Variants in ANKS1B observed in about 807,000 individuals in gnomAD.
ANKS1B encodes ankyrin repeat and sterile alpha motif domain-containing protein 1B.
In ANKS1B, 36 loss-of-function variants were observed where a neutral mutation model predicts 148.3. The ratio of observed to expected loss-of-function variants is 0.24; its 90% CI spans 0.19 to 0.32. The LOEUF (loss-of-function observed/expected upper bound fraction) is 0.32. ANKS1B is among the 10% of genes least tolerant of loss of function. ANKS1B has a pLI of 1.00. For missense variants in ANKS1B, 1,157 were observed against 1,542.6 expected (o/e 0.75, Z 4.19); for synonymous variants, 542 against 560.8 (o/e 0.97, Z 0.47).
intron 15 of ANKS1B, among the ~76,000 whole-genome samples, chr12:99,118,252 T>C (rs1189653772): frequency 2.0e-5 from 3 of 152,234 alleles, no homozygotes; most frequent in Non-Finnish European, 4.4e-5. Context: ...TGGGAAAATA[T>C]AAATGTACCA....
intron 15 of ANKS1B, among the ~76,000 whole-genome samples, chr12:99,105,750 C>T (rs1317047971): frequency 1.4e-5 from 1 of 71,644 alleles, no homozygotes; most frequent in Non-Finnish European, 2.6e-5. Context: ...GCCTGGGCAA[C>T]AAAGTGAGAC....
intron 9 of ANKS1B, among the ~76,000 whole-genome samples, chr12:98,738,601 G>A (rs1020622816): frequency 2.6e-5 from 4 of 152,156 alleles, no homozygotes; most frequent in Non-Finnish European, 4.4e-5. Flanking sequence ...GATAGAGGAA[G>A]AACTAAACCC....
intron 15 of ANKS1B, among the ~76,000 whole-genome samples, chr12:99,102,920 T>C (rs902753476): frequency 3.3e-5 from 5 of 151,806 alleles, no homozygotes; most frequent in African/African-American, 7.3e-5. Context: ...CCGATAGATA[T>C]GTGTTTTGAA....
At chr12:99,203,353 A>G (rs1257604051) in intron 14 of ANKS1B, among the ~76,000 whole-genome samples, 7 of 151,950 alleles carry the variant, frequency 4.6e-5, no homozygotes, top group Non-Finnish European at 1.0e-4. Flanking sequence ...ACTTTCTGAC[A>G]TCTATTGAAG....
At chr12:99,616,102 C>A (rs1014039051) in intron 9 of ANKS1B, among the ~76,000 whole-genome samples, 1 of 152,054 alleles carries the variant, frequency 6.6e-6, no homozygotes, top group African/African-American at 2.4e-5. Context: ...AGGACCTTTT[C>A]AAGGAGAACT....
intron 10 of ANKS1B, among the ~76,000 whole-genome samples, chr12:99,501,569 T>C (rs1392251446): frequency 1.3e-5 from 2 of 152,174 alleles, no homozygotes; most frequent in Non-Finnish European, 1.5e-5. Context: ...AAATCATCTT[T>C]CCTTGGAGTC....
At chr12:99,002,643 G>A (rs2099933735) in intron 17 of ANKS1B, among the ~76,000 whole-genome samples, 1 of 151,950 alleles carries the variant, frequency 6.6e-6, no homozygotes, top group African/African-American at 2.4e-5. Context: ...GTCTTCTTTG[G>A]AAAAATGTCT....
intron 17 of ANKS1B, among the ~76,000 whole-genome samples, chr12:98,835,844 C>T (rs927400987): frequency 6.6e-6 from 1 of 152,120 alleles, no homozygotes; most frequent in Non-Finnish European, 1.5e-5. Flanking sequence ...AAATGAGCCC[C>T]CATCACTGAA....
intron 1 of ANKS1B, among the ~76,000 whole-genome samples, chr12:99,924,321 A>G (rs1000568571): frequency 7.5e-5 from 7 of 93,262 alleles, no homozygotes; most frequent in African/African-American, 3.2e-4. Context: ...CACTGGAAGC[A>G]TGTATAATGG....
chr12:99,474,681 G>A (rs1162749034), intron 10 of ANKS1B, among the ~76,000 whole-genome samples: 1 of 151,922 alleles, frequency 6.6e-6, no homozygotes, highest in Non-Finnish European at 1.5e-5. Context: ...TAGAAATAAA[G>A]GGAATACTAT....
intron 10 of ANKS1B, among the ~76,000 whole-genome samples, chr12:99,457,305 C>A (rs2095863109): frequency 6.6e-6 from 1 of 151,276 alleles, no homozygotes; most frequent in Non-Finnish European, 1.5e-5. Flanking sequence ...TCGAAATACA[C>A]CAAAATAGAA....
chr12:99,208,030 G>A (rs1048407585), intron 14 of ANKS1B, among the ~76,000 whole-genome samples: 1 of 152,048 alleles, frequency 6.6e-6, no homozygotes, highest in African/African-American at 2.4e-5. Context: ...TTGATCTCCT[G>A]TGTTAAAACC....
chr12:99,474,964 G>A (rs888676250), intron 10 of ANKS1B, among the ~76,000 whole-genome samples: 6 of 151,814 alleles, frequency 4.0e-5, no homozygotes, highest in Non-Finnish European at 8.8e-5. Flanking sequence ...CGGCTGGGTG[G>A]GGTGGCTCAT....
intron 15 of ANKS1B, among the ~76,000 whole-genome samples, chr12:99,144,874 G>T (rs938442063): frequency 7.2e-5 from 11 of 152,130 alleles, no homozygotes; most frequent in Middle Eastern, 3.4e-3. Context: ...AGCCCTCAGA[G>T]GAACCAACCC....
chr12:99,847,131 A>G (rs1565850504), intron 1 of ANKS1B, among the ~76,000 whole-genome samples: 1 of 151,114 alleles, frequency 6.6e-6, no homozygotes, highest in Non-Finnish European at 1.5e-5. Flanking sequence ...TCTTTGAGAC[A>G]GGGTCTCATC....
At chr12:99,873,219 G>A (rs1298708384) in intron 1 of ANKS1B, among the ~76,000 whole-genome samples, 4 of 152,024 alleles carry the variant, frequency 2.6e-5, no homozygotes, top group Non-Finnish European at 1.5e-5. Context: ...ACACTAAATT[G>A]CTGATTACAA....
chr12:99,295,107 G>A (rs979669434), intron 12 of ANKS1B, among the ~76,000 whole-genome samples: 3 of 152,096 alleles, frequency 2.0e-5, no homozygotes, highest in Admixed American at 6.5e-5. Context: ...AATTGGCTGA[G>A]TCATGTGGTA....
chr12:99,327,951 G>A (rs911349787), intron 12 of ANKS1B, among the ~76,000 whole-genome samples: 1 of 151,688 alleles, frequency 6.6e-6, no homozygotes, highest in Non-Finnish European at 1.5e-5. Context: ...TCTGTGTGTG[G>A]TGAGGCTCCT....
At chr12:99,431,710 C>A (rs1277683991) in intron 11 of ANKS1B, among the ~76,000 whole-genome samples, 1 of 152,204 alleles carries the variant, frequency 6.6e-6, no homozygotes, top group Non-Finnish European at 1.5e-5. Context: ...CTGGTTGGGA[C>A]TTCCTAATTA....
Sources: allele counts gnomAD v4.1 joint callset (sites outside exome capture counted in the v4.1 genomes callset), GRCh38; gene constraint gnomAD v4.1.1; transcripts MANE v1.5; gene names NCBI Gene and HGNC (gene_info 2026-07-23, HGNC 2026-07-21).